MSI2: variants seen among roughly 807,000 people sequenced by gnomAD.
MSI2 encodes the protein musashi RNA binding protein 2.
Under a neutral mutation model 45.6 loss-of-function variants are expected in MSI2, and 17 were observed. The ratio of observed to expected loss-of-function variants is 0.37; its 90% confidence interval spans 0.26 to 0.56. The LOEUF (loss-of-function observed/expected upper bound fraction) is 0.56, where lower values mean the gene tolerates loss of function less well. Among genes scored for constraint, MSI2 ranks in the 20% least tolerant of loss-of-function variants. The pLI, the probability that MSI2 is intolerant of heterozygous loss-of-function variation, is 0.77. For missense variants in MSI2, 293 were observed against 444.2 expected (o/e 0.66, Z 3.06); for synonymous variants, 156 against 158.2 (o/e 0.99, Z 0.11).
At chr17:57,495,548 A>AAAAAAG (rs1555613511) in intron 6 of MSI2, among the ~76,000 whole-genome samples, 6 of 145,374 alleles carry the variant, frequency 4.1e-5, no homozygotes, top group African/African-American at 1.6e-4. Flanking sequence ...AAAAAAAAAA[A>AAAAAAG]AAAAGAAAGC....
chr17:57,377,007 G>A (rs888052174), intron 5 of MSI2, among the ~76,000 whole-genome samples: 2 of 150,420 alleles, frequency 1.3e-5, no homozygotes, highest in East Asian at 2.0e-4. Context: ...TGCAAGCTCC[G>A]CCTCCTGGGT....
intron 6 of MSI2, among the ~76,000 whole-genome samples, chr17:57,500,790 C>CAAA (rs58479533): frequency 9.3e-6 from 1 of 107,134 alleles, no homozygotes; most frequent in Non-Finnish European, 1.9e-5. Context: ...CTGTCTCTAC[C>CAAA]AAAAAAAAAA....
At chr17:57,609,141 C>T (rs1438790158) in intron 8 of MSI2, among the ~76,000 whole-genome samples, 1 of 152,158 alleles carries the variant, frequency 6.6e-6, no homozygotes, top group Non-Finnish European at 1.5e-5. Flanking sequence ...GGGCTCAGGG[C>T]CTAATGTCCG....
chr17:57,461,971 G>T (rs1483905569), intron 6 of MSI2, among the ~76,000 whole-genome samples: 2 of 152,098 alleles, frequency 1.3e-5, no homozygotes, highest in Non-Finnish European at 2.9e-5. Context: ...CACAAACTGG[G>T]TGCCTCAGCT....
intron 6 of MSI2, among the ~76,000 whole-genome samples, chr17:57,435,532 G>A (rs1332001345): frequency 6.6e-6 from 1 of 152,198 alleles, no homozygotes; most frequent in Admixed American, 6.5e-5. Flanking sequence ...GGAGCTAGGA[G>A]CACCAAAGGT....
intron 5 of MSI2, among the ~76,000 whole-genome samples, chr17:57,331,652 G>A (rs1914287197): frequency 6.6e-6 from 1 of 152,190 alleles, no homozygotes; most frequent in Admixed American, 6.5e-5. Context: ...CATTTCATGT[G>A]ACCGGCATGT....
At chr17:57,587,022 G>A (rs1045413815) in intron 7 of MSI2, among the ~76,000 whole-genome samples, 1 of 152,138 alleles carries the variant, frequency 6.6e-6, no homozygotes, top group Non-Finnish European at 1.5e-5. Context: ...CCAGAGACCT[G>A]GGTAAAAACG....
chr17:57,401,804 C>T (rs531682950), intron 6 of MSI2, among the ~76,000 whole-genome samples: 11 of 152,136 alleles, frequency 7.2e-5, no homozygotes, highest in Non-Finnish European at 1.0e-4. Context: ...AGGGCAGGAG[C>T]TCCCATGGAA....
chr17:57,320,283 T>C (rs564592913), intron 5 of MSI2, among the ~76,000 whole-genome samples: 4 of 152,326 alleles, frequency 2.6e-5, no homozygotes, highest in Admixed American at 2.0e-4. Context: ...GAGGTTGATC[T>C]GTATGAGGAC....
At chr17:57,456,992 G>A (rs987304923) in intron 6 of MSI2, among the ~76,000 whole-genome samples, 2 of 152,192 alleles carry the variant, frequency 1.3e-5, no homozygotes, top group African/African-American at 4.8e-5. Context: ...GGAGGAGAAA[G>A]GAAGGAGAAG....
At chr17:57,486,469 A>G (rs181264271) in intron 6 of MSI2, among the ~76,000 whole-genome samples, 234 of 152,364 alleles carry the variant, frequency 1.5e-3, no homozygotes, top group African/African-American at 5.5e-3. Context: ...CATTGGAATC[A>G]TGAAAGAAAT....
chr17:57,537,216 G>C (rs1340769727), intron 7 of MSI2, among the ~76,000 whole-genome samples: 2 of 152,210 alleles, frequency 1.3e-5, no homozygotes, highest in African/African-American at 4.8e-5. Flanking sequence ...CCAAGGTTCT[G>C]TGCCTCCAGT....
downstream of MSI2, among the ~76,000 whole-genome samples, chr17:57,685,936 C>G (rs1230797599): frequency 6.6e-6 from 1 of 152,222 alleles, no homozygotes; most frequent in Non-Finnish European, 1.5e-5. Context: ...AAACCCAGCC[C>G]AGGAGCCTAA....
chr17:57,690,701 C>G, the MSI2 span, among the ~76,000 whole-genome samples: 3 of 151,336 alleles, frequency 2.0e-5, no homozygotes, highest in African/African-American at 7.3e-5. Flanking sequence ...TTATCAAATA[C>G]GTGCTTGCAA....
intron 5 of MSI2, among the ~76,000 whole-genome samples, chr17:57,328,298 CATCCATGCATCCATTT>C (rs1913981145): frequency 6.9e-6 from 1 of 144,538 alleles, no homozygotes; most frequent in African/African-American, 2.8e-5. Context: ...TGCAGCCATC[CATCCATGCATCCATTT>C]ATCCATCCAT....
At chr17:57,520,421 T>C (rs2086559367) in intron 6 of MSI2, among the ~76,000 whole-genome samples, 1 of 152,098 alleles carries the variant, frequency 6.6e-6, no homozygotes, top group Non-Finnish European at 1.5e-5. Flanking sequence ...AATGGGAAAA[T>C]AGAATGATCC....
chr17:57,256,913 CGCG>C, intron 1 of MSI2, 109 bp downstream of exon 1: 5 of 628,590 alleles, frequency 8.0e-6, no homozygotes, highest in South Asian at 7.5e-5. Context: ...CCGCCTCTCC[CGCG>C]CGCCCCCCCC....
In MSI2 at chr17:57,632,551, T is replaced by A. The variant is rs1382706972; in HGVS notation, c.727+5248T>A. 3.7e-6 allele frequency: 4 copies of A among 1,066,930 alleles called. No homozygotes were observed. The East Asian group carries it at 2.0e-4, about 53-fold the overall frequency. 66.1% of individuals were successfully genotyped at this position (1,066,930 alleles called of 1,614,324 possible). On this transcript the variant is annotated intron_variant, in intron 10 of 13. Coordinates refer to ENST00000284073, the MANE Select transcript of MSI2 (RefSeq NM_138962.4). ...CTCCCTGCCTGTGCTGGCCTGGCCTTGCCTGCTGGCACCATTGGAGTAGGA... is the reference window on the plus strand; with the variant it reads ...CTCCCTGCCTGTGCTGGCCTGGCCTAGCCTGCTGGCACCATTGGAGTAGGA...
chr17:57,293,751 GGC>G (rs1910682388), intron 5 of MSI2, among the ~76,000 whole-genome samples: 1 of 151,832 alleles, frequency 6.6e-6, no homozygotes, highest in African/African-American at 2.4e-5. Flanking sequence ...TGGGGTTACA[GGC>G]ATGCGCCACC....
Sources: gnomAD v4.1 joint callset for allele counts (sites outside exome capture counted in the v4.1 genomes callset) on GRCh38, gnomAD v4.1.1 for gene constraint, MANE v1.5 for transcripts, NCBI Gene and HGNC (gene_info 2026-07-23, HGNC 2026-07-21) for gene names.